Variants in PRKCI observed in about 807,000 individuals in gnomAD.
PRKCI encodes the protein protein kinase C iota, also known as protein kinase C iota type.
PRKCI carries 43 observed loss-of-function variants against 84.0 expected under a neutral mutation model. The observed-to-expected ratio is 0.51, with a 90% CI of 0.40 to 0.66. PRKCI has a LOEUF of 0.66. PRKCI is among the 30% of genes least tolerant of loss of function. PRKCI has a pLI of 0.00. For missense variants in PRKCI, 459 were observed against 745.6 expected (o/e 0.62, Z 4.48); for synonymous variants, 216 against 234.4 (o/e 0.92, Z 0.72).
chr3:170,279,634 G>T (rs1460399105), intron 8 of PRKCI, among the ~76,000 whole-genome samples: 1 of 152,146 alleles, frequency 6.6e-6, no homozygotes, highest in African/African-American at 2.4e-5. Flanking sequence ...TTGGTATTCT[G>T]TGGAAAAGAA....
At chr3:170,250,490 C>T (rs1432915724) in intron 2 of PRKCI, among the ~76,000 whole-genome samples, 1 of 127,404 alleles carries the variant, frequency 7.8e-6, no homozygotes, top group African/African-American at 2.9e-5. Flanking sequence ...TGTTTCCCCC[C>T]TACCCCTTTC....
At chr3:170,258,024 A>G (rs1733632199) in intron 2 of PRKCI, among the ~76,000 whole-genome samples, 1 of 152,052 alleles carries the variant, frequency 6.6e-6, no homozygotes, top group Non-Finnish European at 1.5e-5. Flanking sequence ...GCTAGGAAAT[A>G]GAAGGAAAGA....
intron 2 of PRKCI, among the ~76,000 whole-genome samples, chr3:170,244,244 G>A (rs192848733): frequency 3.3e-5 from 5 of 152,248 alleles, no homozygotes; most frequent in Non-Finnish European, 5.9e-5. Context: ...CAACCATGTG[G>A]TTATCTCTAA....
chr3:170,285,086 T>C (rs1227201118), intron 12 of PRKCI, among the ~76,000 whole-genome samples: 2 of 150,996 alleles, frequency 1.3e-5, no homozygotes, highest in Non-Finnish European at 3.0e-5. Flanking sequence ...TTCTTTTTTT[T>C]TTTTTTTTTT....
At chr3:170,256,000 T>G (rs1357631689) in intron 2 of PRKCI, among the ~76,000 whole-genome samples, 1 of 152,236 alleles carries the variant, frequency 6.6e-6, no homozygotes, top group African/African-American at 2.4e-5. Flanking sequence ...TTGCATGTGT[T>G]GAACCATCCT....
chr3:170,275,926 G>A (rs1052542942), intron 8 of PRKCI, among the ~76,000 whole-genome samples: 4 of 146,148 alleles, frequency 2.7e-5, no homozygotes, highest in South Asian at 2.1e-4. Context: ...TCTCTTTCCC[G>A]TATCATTCTT....
chr3:170,290,692 T>G (rs766910099), intron 12 of PRKCI, among the ~76,000 whole-genome samples: 1 of 152,180 alleles, frequency 6.6e-6, no homozygotes, highest in Admixed American at 6.5e-5. Flanking sequence ...AATTTTGTCC[T>G]TTTTTACTCT....
rs1348991800 is a variant in PRKCI at position 170,259,822 on chromosome 3, A to ATAC, written c.224-145_224-144insCTA. 5 of 400,526 alleles carry ATAC rather than the reference A, an allele frequency of 1.2e-5. No homozygotes were observed. In the South Asian group the frequency reaches 2.3e-4, roughly 19 times the overall value. The allele number at this position is 400,526 out of a possible 1,614,324, so 24.8% of individuals were successfully genotyped here. A position where few individuals can be genotyped will look rare whatever the true frequency, so the allele number is the denominator to read the frequency against. On this transcript the variant is annotated intron_variant, in intron 2 of 17. Transcript: ENST00000295797. Reference sequence around the variant, plus strand: ...ACTCTGTCTCCAAATAATAATAATAATAAGTAAATAAATATTTGTCCTTGT... The same window carrying ATAC: ...ACTCTGTCTCCAAATAATAATAATAATACTAAGTAAATAAATATTTGTCCTTGT...
At chr3:170,291,424 T>C (rs986910347) in intron 12 of PRKCI, among the ~76,000 whole-genome samples, 9 of 152,112 alleles carry the variant, frequency 5.9e-5, no homozygotes, top group Non-Finnish European at 1.2e-4. Flanking sequence ...TTGCCAGGCA[T>C]GATGGCTCAT....
intron 13 of PRKCI, among the ~76,000 whole-genome samples, chr3:170,292,323 A>G (rs968577253): frequency 6.6e-6 from 1 of 152,230 alleles, no homozygotes; most frequent in African/African-American, 2.4e-5. Flanking sequence ...AAGGTCAAGG[A>G]TTCAGAACAG....
intron 3 of PRKCI, among the ~76,000 whole-genome samples, chr3:170,262,462 G>C (rs1188366461): frequency 6.6e-6 from 1 of 152,012 alleles, no homozygotes; most frequent in Non-Finnish European, 1.5e-5. Flanking sequence ...CTGATGCATT[G>C]GTTTTTTTGT....
chr3:170,246,152 T>G (rs1733279067), intron 2 of PRKCI, among the ~76,000 whole-genome samples: 1 of 151,240 alleles, frequency 6.6e-6, no homozygotes, highest in Admixed American at 6.6e-5. Flanking sequence ...TGAGACAGAG[T>G]CTCGCTCTTG....
intron 11 of PRKCI, among the ~76,000 whole-genome samples, 177 bp downstream of exon 11, chr3:170,282,145 A>G (rs1182372643): frequency 6.6e-6 from 1 of 152,198 alleles, no homozygotes. Context: ...ACAATTATAT[A>G]TTCTTTTACA....
rs1317114305 is a variant in PRKCI at position 170,305,756 on chromosome 3, GAAA to G, written c.*2632_*2634del. 6.6e-6 allele frequency: 1 copy of G among 152,162 alleles called. No individual in the cohort carries two copies. The highest frequency in any genetic ancestry group is 1.5e-5 in the Non-Finnish European group (1 of 68,014). 9.4% of individuals were successfully genotyped at this position (152,162 alleles called of 1,614,324 possible). On this transcript the variant is annotated 3_prime_UTR_variant, in exon 18 of 18. Coordinates refer to ENST00000295797, the MANE Select transcript of PRKCI (RefSeq NM_002740.6). ...AATGGTTGGAATTTTGGCTTTCTAA[GAAA>G]AACTTTATTTTGCATAAGCATGTGG...
At position 170,270,515 on chromosome 3, in the gene PRKCI, G is replaced by C; in HGVS notation, c.545G>C (p.Cys182Ser). Residue 182 changes from cysteine to serine, a missense_variant, in exon 6 of 18, where the codon TGC becomes TCC. Physicochemically the swap from Cys to Ser is moderately radical, Grantham distance 112. Coordinates refer to ENST00000295797, the MANE Select transcript of PRKCI (RefSeq NM_002740.6). The part of the protein sequence containing the change: ...INCKLLVHKK[C>S]HKLVTIECGR... ...TGCAAACTCTTGGTTCATAAGAAGT[G>C]CCATAAACTCGTCACAATTGAATGT... 6.2e-7 allele frequency: 1 copy of C among 1,612,724 alleles called. No homozygotes were observed. Among genetic ancestry groups the C allele is most frequent in the Non-Finnish European group, 8.5e-7 (1 of 1,179,722 alleles).
chr3:170,267,266 A>G (rs1398270990), intron 4 of PRKCI, among the ~76,000 whole-genome samples: 1 of 152,196 alleles, frequency 6.6e-6, no homozygotes, highest in Non-Finnish European at 1.5e-5. Flanking sequence ...AAATATGACA[A>G]AACATGAATA....
intron 1 of PRKCI, among the ~76,000 whole-genome samples, chr3:170,228,182 C>G (rs1732684839): frequency 6.6e-6 from 1 of 152,178 alleles, no homozygotes; most frequent in Non-Finnish European, 1.5e-5. Flanking sequence ...GTTGCAAGCA[C>G]TGTGCTTGAC....
intron 2 of PRKCI, among the ~76,000 whole-genome samples, chr3:170,248,471 T>C (rs1733350565): frequency 6.6e-6 from 1 of 152,144 alleles, no homozygotes; most frequent in Admixed American, 6.6e-5. Context: ...TGCTCTAGGA[T>C]GTGAATTTAG....
rs763309648 is a variant in PRKCI at position 170,298,963 on chromosome 3, G to A, written c.1588-32G>A. On this transcript the variant is annotated intron_variant, in intron 16 of 17. Transcript: ENST00000295797. ...GAGGTGGAGTTTTTCTAAGAATACA[G>A]ACTTGAGCTGTCATCCAGTATGTCT... 7.0e-6 allele frequency: 10 copies of A among 1,433,210 alleles called. No homozygotes were observed. In the South Asian group the frequency reaches 1.0e-4, roughly 15 times the overall value. The allele number at this position is 1,433,210 out of a possible 1,614,324, so 88.8% of individuals were successfully genotyped here.
Sources: allele counts gnomAD v4.1 joint callset (sites outside exome capture counted in the v4.1 genomes callset), GRCh38; gene constraint gnomAD v4.1.1; transcripts MANE v1.5; gene names NCBI Gene and HGNC (gene_info 2026-07-23, HGNC 2026-07-21).